RERE: variants seen among roughly 807,000 people sequenced by gnomAD.
The protein encoded by RERE is arginine-glutamic acid dipeptide repeats protein.
Under a neutral mutation model 146.1 loss-of-function variants are expected in RERE, and 40 were observed. The observed-to-expected ratio is 0.27, with a 90% CI of 0.21 to 0.36. RERE has a LOEUF of 0.36. RERE is among the 10% of genes least tolerant of loss of function. The pLI is 1.00. For missense variants in RERE, 1,933 were observed against 2,138.7 expected (o/e 0.90, Z 1.90); for synonymous variants, 1,003 against 866.0 (o/e 1.16, Z -2.78).
chr1:8,607,725 CTTT>C (rs35349056), intron 4 of RERE, among the ~76,000 whole-genome samples: 1 of 92,920 alleles, frequency 1.1e-5, no homozygotes, highest in African/African-American at 4.5e-5. Context: ...CCATATCTGG[CTTT>C]TTTTTTTTTT....
At chr1:8,725,923 G>A (rs1390966748) in intron 1 of RERE, among the ~76,000 whole-genome samples, 2 of 151,010 alleles carry the variant, frequency 1.3e-5, no homozygotes, top group Admixed American at 6.6e-5. Context: ...TTTTAACTTT[G>A]TTTTAAAAAG....
At chr1:8,689,753 C>T (rs555919268) in intron 1 of RERE, among the ~76,000 whole-genome samples, 8 of 149,416 alleles carry the variant, frequency 5.4e-5, no homozygotes, top group African/African-American at 1.7e-4. Context: ...AGGTGCCCAT[C>T]GAAGGAGCAA....
intron 10 of RERE, among the ~76,000 whole-genome samples, chr1:8,477,056 GT>G (rs1446056415): frequency 6.6e-6 from 1 of 152,202 alleles, no homozygotes; most frequent in Non-Finnish European, 1.5e-5. Flanking sequence ...AGGGATTAAG[GT>G]TGTGCCTCTT....
chr1:8,744,025 C>A (rs567938193), intron 1 of RERE, among the ~76,000 whole-genome samples: 2 of 152,240 alleles, frequency 1.3e-5, no homozygotes, highest in South Asian at 2.1e-4. Flanking sequence ...ACAGTAGGTG[C>A]TCAATAAATA....
chr1:8,675,018 A>G (rs894378465), intron 1 of RERE, among the ~76,000 whole-genome samples: 1 of 152,200 alleles, frequency 6.6e-6, no homozygotes, highest in Non-Finnish European at 1.5e-5. Context: ...TCACTTCAGC[A>G]AACAGAGGTC....
intron 10 of RERE, among the ~76,000 whole-genome samples, chr1:8,482,987 T>C (rs1342304860): frequency 6.6e-6 from 1 of 152,238 alleles, no homozygotes; most frequent in Non-Finnish European, 1.5e-5. Context: ...AATGCTATGA[T>C]TAACAGCACA....
intron 1 of RERE, among the ~76,000 whole-genome samples, chr1:8,770,258 A>T (rs575233244): frequency 8.7e-4 from 132 of 152,318 alleles, no homozygotes; most frequent in African/African-American, 3.0e-3. Context: ...TGAAATAGTT[A>T]AGGTATTATC....
chr1:8,492,246 C>T (rs1199935832), intron 10 of RERE, among the ~76,000 whole-genome samples: 1 of 152,058 alleles, frequency 6.6e-6, no homozygotes, highest in Non-Finnish European at 1.5e-5. Flanking sequence ...GAGCTTGCCA[C>T]AAAGAACCAT....
intron 6 of RERE, among the ~76,000 whole-genome samples, chr1:8,549,607 G>A (rs1388536972): frequency 6.6e-6 from 1 of 152,174 alleles, no homozygotes; most frequent in Non-Finnish European, 1.5e-5. Context: ...ATCACTGGGT[G>A]AAAATTTAAG....
At chr1:8,747,085 TC>T (rs1640437217) in intron 1 of RERE, among the ~76,000 whole-genome samples, 1 of 151,828 alleles carries the variant, frequency 6.6e-6, no homozygotes, top group Non-Finnish European at 1.5e-5. Context: ...CACTGCAAGC[TC>T]CGCCTCCCGG....
At chr1:8,363,082 A>AC (rs1162000781) in intron 15 of RERE, among the ~76,000 whole-genome samples, 1 of 152,250 alleles carries the variant, frequency 6.6e-6, no homozygotes, top group Non-Finnish European at 1.5e-5. Context: ...TCTCAAACCT[A>AC]AAGCACTCAT....
intron 2 of RERE, among the ~76,000 whole-genome samples, chr1:8,645,231 A>G (rs937423611): frequency 6.6e-6 from 1 of 152,212 alleles, no homozygotes; most frequent in Non-Finnish European, 1.5e-5. Flanking sequence ...TGCCCTTTGC[A>G]ATCAGGCACT....
chr1:8,507,224 C>T lies in RERE; in HGVS notation c.879+1403G>A, dbSNP rs564191042. Among the ~76,000 whole-genome samples, 433 of 152,298 alleles carry T rather than the reference C, an allele frequency of 2.8e-3. 2 individuals are homozygous for T. The highest frequency in any genetic ancestry group is 1.0e-2 in the African/African-American group (415 of 41,566). ...GGAGGAGGTCAAGGCTGCCGTGAGC[C>T]GTGATCGTGCCTCTGTGCTCTAGCC... On this transcript the variant is annotated intron_variant, in intron 8 of 22. Coordinates refer to ENST00000400908, the MANE Select transcript of RERE (RefSeq NM_001042681.2).
chr1:8,544,959 G>A (rs757981176), intron 6 of RERE, among the ~76,000 whole-genome samples: 1 of 152,170 alleles, frequency 6.6e-6, no homozygotes, highest in Non-Finnish European at 1.5e-5. Context: ...AACTCGTGAT[G>A]AACAGTGTTT....
intron 12 of RERE, among the ~76,000 whole-genome samples, chr1:8,368,976 G>A (rs1456998415): frequency 6.6e-6 from 1 of 152,166 alleles, no homozygotes; most frequent in Non-Finnish European, 1.5e-5. Flanking sequence ...AAGGCAGGAG[G>A]ATTGCTTGAG....
At chr1:8,456,737 C>T (rs937116993) in intron 11 of RERE, among the ~76,000 whole-genome samples, 5 of 152,202 alleles carry the variant, frequency 3.3e-5, no homozygotes, top group Admixed American at 3.3e-4. Context: ...CTCAGGCATG[C>T]TCCCACCTCA....
chr1:8,612,958 T>C (rs1011442594), intron 4 of RERE, among the ~76,000 whole-genome samples: 2 of 152,230 alleles, frequency 1.3e-5, no homozygotes, highest in Non-Finnish European at 2.9e-5. Flanking sequence ...GAAACCCCCA[T>C]CCCTTTTTTT....
intron 1 of RERE, chr1:8,750,732 GC>G (rs757390437): frequency 5.9e-5 from 47 of 790,330 alleles, no homozygotes; most frequent in Non-Finnish European, 1.0e-4. Flanking sequence ...AATGGTGTGA[GC>G]CCAGAGGTCT....
chr1:8,405,468 A>G (rs1351096183), intron 12 of RERE, among the ~76,000 whole-genome samples: 1 of 152,264 alleles, frequency 6.6e-6, no homozygotes, highest in Non-Finnish European at 1.5e-5. Context: ...CAAAAGATCA[A>G]TACAGATAAG....
Sources: gnomAD v4.1 joint callset for allele counts (sites outside exome capture counted in the v4.1 genomes callset) on GRCh38, gnomAD v4.1.1 for gene constraint, MANE v1.5 for transcripts, NCBI Gene and HGNC (gene_info 2026-07-23, HGNC 2026-07-21) for gene names.